RSU1: variants seen among roughly 807,000 people sequenced by gnomAD.
RSU1 encodes the protein Ras suppressor protein 1.
A neutral mutation model predicts 31.1 loss-of-function variants in RSU1; 26 were observed. The ratio of observed to expected loss-of-function variants is 0.84; its 90% CI spans 0.61 to 1.16. The LOEUF is 1.16. Among genes scored for constraint, RSU1 ranks in the 50% most tolerant of loss-of-function variants. RSU1 has a pLI of 0.00. For synonymous variants in RSU1, 164 were observed against 136.3 expected, an observed-to-expected ratio of 1.20 and a Z score of -1.41; for missense variants, 320 against 339.1, an observed-to-expected ratio of 0.94 and a Z score of 0.44.
chr10:16,734,124 G>A (rs1051361456), intron 7 of RSU1, among the ~76,000 whole-genome samples: 4 of 152,224 alleles, frequency 2.6e-5, no homozygotes, highest in African/African-American at 9.7e-5. Context: ...ATAACTGACT[G>A]CAACACTGTT....
intron 8 of RSU1, among the ~76,000 whole-genome samples, chr10:16,621,352 A>G (rs1463906445): frequency 6.6e-6 from 1 of 152,168 alleles, no homozygotes; most frequent in East Asian, 1.9e-4. Context: ...TGAGGCCCCT[A>G]CGAATATTAA....
rs188585982 is a variant in RSU1 at position 16,726,824 on chromosome 10, A to T, written c.598+25715T>A. 2.1e-3 allele frequency among the ~76,000 whole-genome samples: 324 copies of T among 152,276 alleles called. 2 individuals are homozygous for T. Among genetic ancestry groups the T allele is most frequent in the African/African-American group, 6.3e-3 (262 of 41,564 alleles). On this transcript the variant is annotated intron_variant, in intron 7 of 8. Coordinates refer to ENST00000345264, the MANE Select transcript of RSU1 (RefSeq NM_012425.4). Reference sequence around the variant, plus strand: ...TTTGTAGTATTTAATGTACCTAAAAAAATGGACCTCTTTATTTACTATCTG... The same window carrying T: ...TTTGTAGTATTTAATGTACCTAAAATAATGGACCTCTTTATTTACTATCTG...
At chr10:16,687,647 A>G (rs887706659) in intron 8 of RSU1, among the ~76,000 whole-genome samples, 2 of 152,196 alleles carry the variant, frequency 1.3e-5, no homozygotes, top group African/African-American at 4.8e-5. Context: ...GGAGGTATCA[A>G]TTTAGCAGGG....
intron 7 of RSU1, among the ~76,000 whole-genome samples, chr10:16,714,605 G>T (rs1027175010): frequency 1.3e-5 from 2 of 152,064 alleles, no homozygotes; most frequent in Non-Finnish European, 2.9e-5. Flanking sequence ...TTCCCTGGGG[G>T]GTGGGGGGAT....
chr10:16,691,602 T>C (rs1048524371), intron 8 of RSU1, among the ~76,000 whole-genome samples: 1 of 152,054 alleles, frequency 6.6e-6, no homozygotes, highest in Non-Finnish European at 1.5e-5. Context: ...ATAGCTCATG[T>C]ACCTTGTGAC....
chr10:16,615,942 C>T (rs1386799160), intron 8 of RSU1, among the ~76,000 whole-genome samples: 1 of 152,082 alleles, frequency 6.6e-6, no homozygotes, highest in Non-Finnish European at 1.5e-5. Flanking sequence ...GAAATCAACA[C>T]CCCAACGTTA....
intron 7 of RSU1, among the ~76,000 whole-genome samples, chr10:16,716,980 T>C (rs529499200): frequency 3.9e-5 from 6 of 152,206 alleles, no homozygotes; most frequent in Non-Finnish European, 5.9e-5. Flanking sequence ...TTTCAGCCAA[T>C]AGGACAAATA....
chr10:16,705,151 C>T (rs1373516266), intron 7 of RSU1, among the ~76,000 whole-genome samples: 1 of 152,056 alleles, frequency 6.6e-6, no homozygotes, highest in African/African-American at 2.4e-5. Flanking sequence ...GCTTATTTCA[C>T]TTCATATAAT....
In RSU1 at chr10:16,725,045, G is replaced by C. The variant is rs114844780; in HGVS notation, c.598+27494C>G. Among the ~76,000 whole-genome samples, 295 of 152,334 alleles carry C rather than the reference G, an allele frequency of 1.9e-3. 2 individuals carry two copies. The highest frequency in any genetic ancestry group is 6.9e-3 in the African/African-American group (288 of 41,570). Reference sequence around the variant, plus strand: ...CTGCCTAATGACTGAAAGGAGATCAGAGGAAACTCTGAAACTCCAGTGGTG... The same window carrying C: ...CTGCCTAATGACTGAAAGGAGATCACAGGAAACTCTGAAACTCCAGTGGTG... On this transcript the variant is annotated intron_variant, in intron 7 of 8. Transcript: ENST00000345264.
At chr10:16,635,267 T>G (rs1834326888) in intron 8 of RSU1, among the ~76,000 whole-genome samples, 1 of 152,232 alleles carries the variant, frequency 6.6e-6, no homozygotes, top group African/African-American at 2.4e-5. Flanking sequence ...TATCACCTCT[T>G]GAATTATCAT....
intron 7 of RSU1, chr10:16,722,958 A>G (rs919809405): frequency 1.3e-5 from 2 of 150,390 alleles, no homozygotes; most frequent in South Asian, 2.1e-4. Flanking sequence ...ATATATACAC[A>G]CATATACATA....
In RSU1 at chr10:16,715,134, C is replaced by T. The variant is rs566906728; in HGVS notation, c.599-19979G>A. Among the ~76,000 whole-genome samples, 73 of 152,316 alleles carry T rather than the reference C, an allele frequency of 4.8e-4. No individual in the cohort carries two copies. In the East Asian group the frequency reaches 0.011, roughly 22 times the overall value. On this transcript the variant is annotated intron_variant, in intron 7 of 8. Coordinates refer to ENST00000345264, the MANE Select transcript of RSU1 (RefSeq NM_012425.4). Reference sequence around the variant, plus strand: ...CAGGAAGTTTGCTGCTCCCCTAGTGCGGTCCAGCATACTTCCTCGTCACTC... The same window carrying T: ...CAGGAAGTTTGCTGCTCCCCTAGTGTGGTCCAGCATACTTCCTCGTCACTC...
At chr10:16,668,473 T>C (rs1252117797) in intron 8 of RSU1, among the ~76,000 whole-genome samples, 3 of 152,228 alleles carry the variant, frequency 2.0e-5, no homozygotes, top group Non-Finnish European at 2.9e-5. Context: ...TTTAATCATT[T>C]TGGAACTCAA....
At chr10:16,760,674 G>T (rs1205630164) in intron 4 of RSU1, among the ~76,000 whole-genome samples, 1 of 152,046 alleles carries the variant, frequency 6.6e-6, no homozygotes, top group Non-Finnish European at 1.5e-5. Context: ...ACACAGAAAT[G>T]AAGGTATCAT....
intron 7 of RSU1, among the ~76,000 whole-genome samples, chr10:16,740,295 A>T (rs1453119029): frequency 6.6e-6 from 1 of 152,208 alleles, no homozygotes; most frequent in Non-Finnish European, 1.5e-5. Flanking sequence ...CATTTGACAC[A>T]ATTCAACATT....
intron 8 of RSU1, among the ~76,000 whole-genome samples, chr10:16,617,999 A>G (rs935256640): frequency 6.6e-6 from 1 of 152,242 alleles, no homozygotes; most frequent in African/African-American, 2.4e-5. Flanking sequence ...TAATTAAACT[A>G]AAGAGCTTCT....
At chr10:16,688,378 G>A (rs1034063655) in intron 8 of RSU1, among the ~76,000 whole-genome samples, 24 of 152,078 alleles carry the variant, frequency 1.6e-4, no homozygotes, top group African/African-American at 5.6e-4. Flanking sequence ...AGGCCGAGGC[G>A]GACGGGTCAC....
intron 2 of RSU1, among the ~76,000 whole-genome samples, chr10:16,788,553 T>C (rs1219359651): frequency 6.6e-6 from 1 of 152,230 alleles, no homozygotes; most frequent in African/African-American, 2.4e-5. Context: ...CATCCGTCAG[T>C]ACCTTGATCT....
At chr10:16,710,623 C>G (rs1564327260) in intron 7 of RSU1, among the ~76,000 whole-genome samples, 1 of 151,666 alleles carries the variant, frequency 6.6e-6, no homozygotes. Context: ...AGTAGTGAAG[C>G]CATCAGGTCC....
Sources: allele counts gnomAD v4.1 joint callset (sites outside exome capture counted in the v4.1 genomes callset), GRCh38; gene constraint gnomAD v4.1.1; transcripts MANE v1.5; gene names NCBI Gene and HGNC (gene_info 2026-07-23, HGNC 2026-07-21).